KIF4A: variants seen among roughly 807,000 people sequenced by gnomAD.
KIF4A encodes chromosome-associated kinesin KIF4A.
Under a neutral mutation model 105.9 loss-of-function variants are expected in KIF4A, and 7 were observed. The observed-to-expected ratio is 0.07, with a 90% confidence interval of 0.04 to 0.12. KIF4A has a LOEUF of 0.12. Among genes scored for constraint, KIF4A ranks in the 10% least tolerant of loss-of-function variants. KIF4A has a pLI of 1.00. For synonymous variants in KIF4A, 281 were observed against 331.3 expected (o/e 0.85, Z 1.65); for missense variants, 558 against 929.2 (o/e 0.60, Z 5.19).
intron 3 of KIF4A, among the ~76,000 whole-genome samples, chrX:70,295,834 T>G (rs1181947318): frequency 9.3e-6 from 1 of 107,545 alleles, no homozygotes; most frequent in Non-Finnish European, 1.9e-5. Context: ...GGAGAATCGC[T>G]TGAACCCGGG....
rs776990740 is a variant in KIF4A, at chrX:70,378,299, T to C, written c.2034+2089T>C. Among the ~76,000 whole-genome samples the C allele has an allele frequency of 7.3e-5, 8 of 109,257 alleles. No homozygotes were observed. In the Admixed American group the frequency reaches 7.8e-4, roughly 11 times the overall value. The allele number at this position is 109,257 out of a possible 115,157, so 94.9% of individuals were successfully genotyped here. A position where few individuals can be genotyped will look rare whatever the true frequency, so the allele number is the denominator to read the frequency against. ...AGTTCAAGACCAGCCTGGGCAAAAT[T>C]GTGAGACTGCATCTCAGTTTTTTTT... On this transcript the variant is annotated intron_variant, in intron 18 of 30. Coordinates refer to ENST00000374403, the MANE Select transcript of KIF4A (RefSeq NM_012310.5).
intron 15 of KIF4A, among the ~76,000 whole-genome samples, chrX:70,367,366 T>C (rs2086109049): frequency 9.0e-6 from 1 of 111,699 alleles, no homozygotes. Flanking sequence ...TACAATTTGG[T>C]ATGTTTTTGC....
At chrX:70,399,254 A>C (rs777503414) in intron 22 of KIF4A, among the ~76,000 whole-genome samples, 1 of 111,873 alleles carries the variant, frequency 8.9e-6, no homozygotes, top group Admixed American at 9.5e-5. Flanking sequence ...TTTTTACTTA[A>C]ATGAACAACT....
At position 70,319,258 on chromosome X, in the gene KIF4A, G is replaced by A. The variant is rs1348167936; in HGVS notation, c.779-10147G>A. 6.3e-5 allele frequency among the ~76,000 whole-genome samples: 7 copies of A among 110,929 alleles called. No individual in the cohort carries two copies. In the East Asian group the frequency reaches 1.4e-3, roughly 22 times the overall value. ...AGCCTGGGCAACAGGGCGGGACTCC[G>A]TCTCAAAAAAAAGAAAGAAAGAAAG... On this transcript the variant is annotated intron_variant, in intron 7 of 30. Coordinates refer to ENST00000374403, the MANE Select transcript of KIF4A (RefSeq NM_012310.5).
intron 7 of KIF4A, among the ~76,000 whole-genome samples, chrX:70,325,614 G>A (rs1230293385): frequency 6.3e-5 from 7 of 110,419 alleles, no homozygotes; most frequent in African/African-American, 2.3e-4. Context: ...TAGTTTCAGG[G>A]TATAGGTGGT....
At chrX:70,405,546 A>G (rs1380625831) in intron 25 of KIF4A, among the ~76,000 whole-genome samples, 1 of 111,692 alleles carries the variant, frequency 9.0e-6, no homozygotes, top group African/African-American at 3.3e-5. Context: ...AATAAGGGAT[A>G]TGAAGCTAAG....
intron 15 of KIF4A, among the ~76,000 whole-genome samples, chrX:70,365,726 A>T (rs781410442): frequency 9.0e-6 from 1 of 111,280 alleles, no homozygotes; most frequent in African/African-American, 3.3e-5. Context: ...TGTCTCTGTC[A>T]GGCTTTGGTA....
At chrX:70,303,128 A>T (rs181797494) in intron 7 of KIF4A, among the ~76,000 whole-genome samples, 1 of 112,119 alleles carries the variant, frequency 8.9e-6, no homozygotes, top group Non-Finnish European at 1.9e-5. Context: ...TCTAGTGCTT[A>T]TTCTTCTGTT....
chrX:70,373,524 G>GTA lies in KIF4A; in HGVS notation c.1675-596_1675-595dup, dbSNP rs1219143158. On this transcript the variant is annotated intron_variant, in intron 15 of 30. Coordinates refer to ENST00000374403, the MANE Select transcript of KIF4A (RefSeq NM_012310.5). ...CATATATATATACATGTGTGTGTAT[G>GTA]TATATATATATATATATATATATAT... is the stretch of plus-strand genomic sequence containing the variant. Among the ~76,000 whole-genome samples the GTA allele has an allele frequency of 2.2e-3, 13 of 5,891 alleles. 3 individuals carry two copies. Among genetic ancestry groups the GTA allele is most frequent in the Non-Finnish European group, 3.1e-3 (13 of 4,175 alleles). The allele number at this position is 5,891 out of a possible 115,157, so 5.1% of individuals were successfully genotyped here. A position where few individuals can be genotyped will look rare whatever the true frequency, so the allele number is the denominator to read the frequency against.
intron 18 of KIF4A, among the ~76,000 whole-genome samples, chrX:70,381,992 G>A (rs992798528): frequency 3.4e-4 from 38 of 112,878 alleles, no homozygotes; most frequent in Non-Finnish European, 6.2e-4. Context: ...AATGGAATAA[G>A]ATTGAGAATC....
intron 7 of KIF4A, among the ~76,000 whole-genome samples, chrX:70,323,803 G>A (rs1385652027): frequency 1.1e-5 from 1 of 90,423 alleles, no homozygotes; most frequent in Admixed American, 1.3e-4. Context: ...TCATTAACTG[G>A]CATTTAATAT....
At chrX:70,386,981 G>T (rs2147729658) in intron 19 of KIF4A, among the ~76,000 whole-genome samples, 1 of 111,988 alleles carries the variant, frequency 8.9e-6, no homozygotes, top group Non-Finnish European at 1.9e-5. Context: ...GACACTTTTA[G>T]TCTGCAGAAC....
intron 13 of KIF4A, among the ~76,000 whole-genome samples, chrX:70,349,378 C>T (rs1300851689): frequency 1.0e-5 from 1 of 100,299 alleles, no homozygotes; most frequent in African/African-American, 3.7e-5. Flanking sequence ...CTCCTCACCT[C>T]CCAGACAGGG....
intron 11 of KIF4A, among the ~76,000 whole-genome samples, chrX:70,343,268 T>G (rs1484996508): frequency 8.9e-6 from 1 of 111,953 alleles, no homozygotes; most frequent in Admixed American, 9.5e-5. Flanking sequence ...AACAGCGTAG[T>G]GTAGGAGGCA....
At chrX:70,334,337 A>G (rs775135317) in intron 10 of KIF4A, among the ~76,000 whole-genome samples, 11 of 112,085 alleles carry the variant, frequency 9.8e-5, no homozygotes, top group Admixed American at 3.8e-4. Flanking sequence ...ACTTTCATCT[A>G]TATTTTTGTA....
chrX:70,359,357 A>G (rs929078537), intron 15 of KIF4A, among the ~76,000 whole-genome samples: 14 of 110,865 alleles, frequency 1.3e-4, no homozygotes, highest in Admixed American at 1.3e-3. Flanking sequence ...TAAGGCTGAG[A>G]AGTGATTCCT....
chrX:70,413,136 C>G (rs1188953351), intron 28 of KIF4A, among the ~76,000 whole-genome samples: 2 of 112,038 alleles, frequency 1.8e-5, no homozygotes, highest in African/African-American at 6.5e-5. Context: ...TTCTGAGCAC[C>G]TATGTGCCAG....
chrX:70,296,714 C>T (rs2085784833), intron 3 of KIF4A, among the ~76,000 whole-genome samples: 1 of 112,447 alleles, frequency 8.9e-6, no homozygotes, highest in Non-Finnish European at 1.9e-5. Context: ...TTCATTTAGT[C>T]AGTCATATCT....
intron 13 of KIF4A, among the ~76,000 whole-genome samples, chrX:70,349,702 G>A (rs1297621002): frequency 2.6e-5 from 2 of 77,497 alleles, no homozygotes; most frequent in Non-Finnish European, 4.8e-5. Flanking sequence ...GGTGGCGGCC[G>A]GGCAGAGACG....
Sources: gnomAD v4.1 joint callset for allele counts (sites outside exome capture counted in the v4.1 genomes callset) on GRCh38, gnomAD v4.1.1 for gene constraint, MANE v1.5 for transcripts, NCBI Gene and HGNC (gene_info 2026-07-23, HGNC 2026-07-21) for gene names.